PLEKHG1: variants seen among roughly 807,000 people sequenced by gnomAD.
The protein encoded by PLEKHG1 is pleckstrin homology and RhoGEF domain containing G1.
Under a neutral mutation model 100.8 loss-of-function variants are expected in PLEKHG1, and 44 were observed. That is an observed-to-expected ratio of 0.44 (90% CI 0.34 to 0.56). The LOEUF is 0.56. Among genes scored for constraint, PLEKHG1 ranks in the 20% least tolerant of loss-of-function variants. The probability of loss-of-function intolerance (pLI) is 0.01; values close to 1 mark genes in which losing one functional copy is unlikely to be tolerated. For synonymous variants in PLEKHG1, 640 were observed against 662.5 expected (o/e 0.97, Z 0.52); for missense variants, 1,545 against 1,720.9 (o/e 0.90, Z 1.81).
At chr6:150,811,669 T>C (rs1339963707) in intron 10 of PLEKHG1, among the ~76,000 whole-genome samples, 1 of 142,994 alleles carries the variant, frequency 7.0e-6, no homozygotes, top group Non-Finnish European at 1.5e-5. Context: ...GTATGCGCTG[T>C]GTTCAGGGCG....
chr6:150,662,911 ATATTT>A (rs1437738358), intron 3 of PLEKHG1: 1 of 152,172 alleles, frequency 6.6e-6, no homozygotes, highest in African/African-American at 2.4e-5. Flanking sequence ...ATGTTTTATG[ATATTT>A]TATGAACATG....
intron 3 of PLEKHG1, among the ~76,000 whole-genome samples, chr6:150,783,258 G>A (rs542621149): frequency 2.0e-5 from 3 of 151,438 alleles, no homozygotes; most frequent in Admixed American, 6.6e-5. Flanking sequence ...AGTAGAAGAG[G>A]AAGAGTAAGG....
exon 16 of PLEKHG1, chr6:150,842,754 C>T (rs1050516893): frequency 2.6e-5 from 4 of 152,106 alleles, no homozygotes; most frequent in African/African-American, 9.7e-5. Context: ...CTGAGTCTCT[C>T]CCTGTTGCCC....
intron 1 of PLEKHG1, among the ~76,000 whole-genome samples, chr6:150,623,614 C>T (rs766325015): frequency 2.6e-5 from 4 of 152,220 alleles, no homozygotes; most frequent in Non-Finnish European, 4.4e-5. Context: ...GTACTGCAAA[C>T]GGACAGCAGA....
At chr6:150,808,867 G>GT (rs1426491383) in intron 7 of PLEKHG1, among the ~76,000 whole-genome samples, 2 of 152,176 alleles carry the variant, frequency 1.3e-5, no homozygotes, top group African/African-American at 4.8e-5. Flanking sequence ...CATGATTAAG[G>GT]AATGGAAATA....
chr6:150,763,310 T>C (rs912303195), intron 2 of PLEKHG1, among the ~76,000 whole-genome samples: 2 of 152,034 alleles, frequency 1.3e-5, no homozygotes, highest in African/African-American at 2.4e-5. Context: ...GGATTACAGG[T>C]GTGAGCCACC....
rs78335837 is a variant in PLEKHG1 at position 150,734,329 on chromosome 6, A to G, written c.411+237A>G. 7.1e-3 allele frequency among the ~76,000 whole-genome samples: 1,082 copies of G among 152,328 alleles called. 15 individuals carry two copies. The highest frequency in any genetic ancestry group is 0.025 in the African/African-American group (1,030 of 41,564). ...GAGCAAGAATGATGATACAGTACCC[A>G]TACCAAGATGCTGTGTTAATAAATC... is the stretch of plus-strand genomic sequence containing the variant. On this transcript the variant is annotated intron_variant, in intron 2 of 15. Transcript: ENST00000358517.
At chr6:150,829,926 G>A (rs1285925465) in intron 14 of PLEKHG1, among the ~76,000 whole-genome samples, 1 of 152,162 alleles carries the variant, frequency 6.6e-6, no homozygotes, top group Non-Finnish European at 1.5e-5. Flanking sequence ...GACAAGCACT[G>A]GCCCTAAAGC....
At chr6:150,666,281 G>A (rs1001842961) in intron 3 of PLEKHG1, among the ~76,000 whole-genome samples, 5 of 152,152 alleles carry the variant, frequency 3.3e-5, no homozygotes, top group African/African-American at 7.2e-5. Context: ...TTGGAATGGC[G>A]CCCAGGGAAG....
At chr6:150,723,592 C>A (rs964050261) in intron 1 of PLEKHG1, among the ~76,000 whole-genome samples, 4 of 151,864 alleles carry the variant, frequency 2.6e-5, no homozygotes, top group African/African-American at 9.7e-5. Context: ...TTTTTTTTCC[C>A]CATCTATACA....
rs1781040055 is a variant in PLEKHG1, at chr6:150,706,986, C to CT, written c.-98-26593dup. Reference sequence around the variant, plus strand: ...TCATTTTCTTTTTTTCTTTTCTTTTCTTTTTCTTTTTCTTTTTTTTTTTTT... The same window carrying CT: ...TCATTTTCTTTTTTTCTTTTCTTTTCTTTTTTCTTTTTCTTTTTTTTTTTTT... On this transcript the variant is annotated intron_variant, in intron 3 of 3. Transcript: ENST00000367326. 2.2e-4 allele frequency among the ~76,000 whole-genome samples: 12 copies of CT among 54,722 alleles called. No individual in the cohort carries two copies. The South Asian group carries it at 4.5e-3, about 21-fold the overall frequency. 35.9% of individuals were successfully genotyped at this position (54,722 alleles called of 152,430 possible). A position where few individuals can be genotyped will look rare whatever the true frequency, so the allele number is the denominator to read the frequency against.
At chr6:150,692,864 G>GT (rs1780393930) in intron 3 of PLEKHG1, among the ~76,000 whole-genome samples, 1 of 152,164 alleles carries the variant, frequency 6.6e-6, no homozygotes, top group Non-Finnish European at 1.5e-5. Context: ...ATTTCTCTGT[G>GT]TAGAAAACAG....
intron 3 of PLEKHG1, among the ~76,000 whole-genome samples, chr6:150,665,288 A>G (rs1053843205): frequency 4.6e-5 from 7 of 152,230 alleles, no homozygotes; most frequent in African/African-American, 7.2e-5. Flanking sequence ...GAAAGCTAAT[A>G]TAATAGAAAA....
intron 3 of PLEKHG1, among the ~76,000 whole-genome samples, chr6:150,779,344 G>GTTAGTTTTTTTTTTTTT (rs1554272274): frequency 1.9e-5 from 2 of 104,540 alleles, no homozygotes; most frequent in African/African-American, 8.6e-5. Context: ...TTGTCAAGAA[G>GTTAGTTTTTTTTTTTTT]TTTTTTTTTT....
At chr6:150,810,907 C>A (rs1316031280) in intron 10 of PLEKHG1, among the ~76,000 whole-genome samples, 1 of 150,276 alleles carries the variant, frequency 6.7e-6, no homozygotes, top group Non-Finnish European at 1.5e-5. Context: ...GGTGACAGAG[C>A]AAGATCCTGT....
intron 2 of PLEKHG1, among the ~76,000 whole-genome samples, chr6:150,648,581 T>C (rs1582879286): frequency 6.6e-6 from 1 of 152,140 alleles, no homozygotes; most frequent in Admixed American, 6.5e-5. Flanking sequence ...ATACTAGAAA[T>C]TGAGTTTTCT....
chr6:150,655,436 C>A (rs1043697299), intron 3 of PLEKHG1, among the ~76,000 whole-genome samples: 1 of 152,116 alleles, frequency 6.6e-6, no homozygotes, highest in South Asian at 2.1e-4. Flanking sequence ...TGGCCAGGTG[C>A]GGTGGCTCAC....
At position 150,693,897 on chromosome 6, in the gene PLEKHG1, A is replaced by C. The variant is rs144328073; in HGVS notation, c.-98-39687A>C. 5.3e-5 allele frequency among the ~76,000 whole-genome samples: 8 copies of C among 152,362 alleles called. No homozygotes were observed. In the East Asian group the frequency reaches 1.5e-3, roughly 29 times the overall value. On this transcript the variant is annotated intron_variant, in intron 3 of 3. Coordinates refer to the PLEKHG1 transcript ENST00000367326. Reference sequence around the variant, plus strand: ...GGCAGAGCAAAATGGCAAAAGATGCAAACAGCGCTTCAAGAGAATGGAAGC... The same window carrying C: ...GGCAGAGCAAAATGGCAAAAGATGCCAACAGCGCTTCAAGAGAATGGAAGC...
At chr6:150,658,616 T>G (rs1368660056) in intron 3 of PLEKHG1, among the ~76,000 whole-genome samples, 1 of 152,152 alleles carries the variant, frequency 6.6e-6, no homozygotes, top group East Asian at 1.9e-4. Context: ...ATTGAGGACT[T>G]CCAGTCACCT....
Sources: gnomAD v4.1 joint callset for allele counts (sites outside exome capture counted in the v4.1 genomes callset) on GRCh38, gnomAD v4.1.1 for gene constraint, MANE v1.5 for transcripts, NCBI Gene and HGNC (gene_info 2026-07-23, HGNC 2026-07-21) for gene names.